Variants in ZNF618 observed in about 807,000 individuals in gnomAD.
The protein encoded by ZNF618 is zinc finger protein 618.
A neutral mutation model predicts 103.0 loss-of-function variants in ZNF618; 34 were observed. The observed-to-expected ratio is 0.33, with a 90% CI of 0.25 to 0.44. ZNF618 has a LOEUF of 0.44. Among genes scored for constraint, ZNF618 ranks in the 20% least tolerant of loss-of-function variants. ZNF618 has a pLI of 1.00. For missense variants in ZNF618, 1,059 were observed against 1,295.4 expected (o/e 0.82, Z 2.80); for synonymous variants, 551 against 542.2 (o/e 1.02, Z -0.23).
chr9:113,882,137 A>G (rs1828582402), intron 1 of ZNF618, among the ~76,000 whole-genome samples: 1 of 152,232 alleles, frequency 6.6e-6, no homozygotes, highest in African/African-American at 2.4e-5. Flanking sequence ...TCTGAGCCAA[A>G]AACATGGCAT....
At chr9:113,905,200 GGC>G (rs1830883381) in intron 1 of ZNF618, among the ~76,000 whole-genome samples, 1 of 152,066 alleles carries the variant, frequency 6.6e-6, no homozygotes, top group South Asian at 2.1e-4. Flanking sequence ...TCCTATTGGA[GGC>G]ACACGCCCTC....
intron 1 of ZNF618, among the ~76,000 whole-genome samples, chr9:113,910,262 T>C (rs1031914026): frequency 6.6e-6 from 1 of 152,182 alleles, no homozygotes. Context: ...GGGTGCAGGA[T>C]GAGTCTCCAT....
At chr9:113,894,161 C>G (rs1277318716) in intron 1 of ZNF618, among the ~76,000 whole-genome samples, 1 of 152,108 alleles carries the variant, frequency 6.6e-6, no homozygotes. Flanking sequence ...TCTCTAATAA[C>G]CAGTTTTTCT....
rs1272502447 is a variant in ZNF618 at position 114,054,730 on chromosome 9, T to G, written c.*4563T>G. 1.3e-5 allele frequency: 2 copies of G among 152,734 alleles called. No homozygotes were observed. The highest frequency in any genetic ancestry group is 4.8e-5 in the African/African-American group (2 of 41,444). 9.5% of individuals were successfully genotyped at this position (152,734 alleles called of 1,614,324 possible). The stretch of plus-strand genomic sequence containing the variant: ...TCCCTCTTAACGTTCCCCTCCTGGT[T>G]TTGCCTTTTCAGGGTTTTCTGGGGG... On this transcript the variant is annotated 3_prime_UTR_variant, in exon 15 of 15. Transcript: ENST00000374126.
At position 114,052,721 on chromosome 9, in the gene ZNF618, T is replaced by C. The variant is rs1846210963; in HGVS notation, c.*2554T>C. ...AGAGCCTGGGAGCCCATCCTCCCTC[T>C]ACTTGGAGCAAAGTTGTGCTGGTGA... On this transcript the variant is annotated 3_prime_UTR_variant, in exon 15 of 15. Transcript: ENST00000374126. The C allele has an allele frequency of 6.6e-6, 1 of 152,260 alleles. No homozygotes were observed. The highest frequency in any genetic ancestry group is 2.1e-4 in the South Asian group (1 of 4,838). 9.4% of individuals were successfully genotyped at this position (152,260 alleles called of 1,614,324 possible). A position where few individuals can be genotyped will look rare whatever the true frequency, so the allele number is the denominator to read the frequency against.
rs191230684 is a variant in ZNF618 at position 113,923,127 on chromosome 9, A to G, written c.34-45990A>G. ...TTCATTGCTGGGATATGTGAAAGCA[A>G]TTGACTCTAGTATCCTGCAAGCTTC... On this transcript the variant is annotated intron_variant, in intron 1 of 14. Transcript: ENST00000374126. Among the ~76,000 whole-genome samples the G allele has an allele frequency of 4.3e-3, 648 of 152,300 alleles. 6 individuals are homozygous for G. The highest frequency in any genetic ancestry group is 0.015 in the African/African-American group (612 of 41,564).
rs780817121 is a variant in ZNF618, at chr9:114,055,299, G to A, written c.*5132G>A. On this transcript the variant is annotated 3_prime_UTR_variant, in exon 15 of 15. Coordinates refer to ENST00000374126, the MANE Select transcript of ZNF618 (RefSeq NM_001318042.2). ...AGCCAGGGTGGGCGGCATCCTACGC[G>A]GTGAAACGAGCTCATGGACTGACCC... 3 of 152,442 alleles carry A rather than the reference G, an allele frequency of 2.0e-5. No homozygotes were observed. The highest frequency in any genetic ancestry group is 7.2e-5 in the African/African-American group (3 of 41,422). The allele number at this position is 152,442 out of a possible 1,614,324, so 9.4% of individuals were successfully genotyped here.
chr9:113,949,109 G>C (rs1003984251), intron 1 of ZNF618, among the ~76,000 whole-genome samples: 5 of 152,266 alleles, frequency 3.3e-5, no homozygotes, highest in Non-Finnish European at 7.3e-5. Context: ...GGTGACGGAA[G>C]AGTGAGGCTG....
At chr9:113,914,650 T>C (rs564270573) in intron 1 of ZNF618, among the ~76,000 whole-genome samples, 3 of 152,298 alleles carry the variant, frequency 2.0e-5, no homozygotes, top group South Asian at 2.1e-4. Context: ...TTTTGAATGC[T>C]CCCATTGGAA....
At chr9:114,014,474 C>T (rs1588344065) in intron 9 of ZNF618, among the ~76,000 whole-genome samples, 1 of 152,142 alleles carries the variant, frequency 6.6e-6, no homozygotes, top group South Asian at 2.1e-4. Flanking sequence ...ATTTTTTGAT[C>T]TCCTTTTGTT....
intron 10 of ZNF618, among the ~76,000 whole-genome samples, chr9:114,019,259 G>T (rs1842886451): frequency 6.6e-6 from 1 of 152,028 alleles, no homozygotes; most frequent in South Asian, 2.1e-4. Flanking sequence ...TGTTAATTTG[G>T]GTTGTTTCCA....
At position 114,048,875 on chromosome 9, in the gene ZNF618, C is replaced by T. The variant is rs758160805; in HGVS notation, c.1573C>T (p.His525Tyr). The T allele has an allele frequency of 1.2e-5, 19 of 1,607,878 alleles. No individual in the cohort carries two copies. The highest frequency in any genetic ancestry group is 1.6e-5 in the Non-Finnish European group (19 of 1,177,034). The change falls in exon 15 of 15, where the codon CAC (histidine) becomes TAC (tyrosine). Residue 525 changes from histidine (H) to tyrosine (Y), a missense_variant. His to Tyr is a moderately conservative substitution (Grantham distance 83, BLOSUM62 2). Around this residue, in one of 6 missense-constraint regions of ZNF618, gnomAD observed 272 missense variants for 380.1 expected, o/e 0.72. Transcript: ENST00000374126. ...CAACTTCAACACGCTGGCGCTGAAG[C>T]ACCTGCCACGCATGTACAACCAGGT... ...LGNFNTLALKHLPRMYNQVKV... is the reference protein window; with the variant it reads ...LGNFNTLALKYLPRMYNQVKV...
intron 11 of ZNF618, among the ~76,000 whole-genome samples, chr9:114,031,142 AG>A (rs1843991530): frequency 6.6e-6 from 1 of 152,186 alleles, no homozygotes; most frequent in South Asian, 2.1e-4. Context: ...CAGCCCTCAC[AG>A]GGCTTTTGGG....
Position 113,988,338 on chromosome 9 carries a change from G to A in ZNF618, c.95G>A (p.Ser32Asn). 3.7e-6 allele frequency: 6 copies of A among 1,612,632 alleles called. No individual in the cohort carries two copies. The highest frequency in any genetic ancestry group is 3.4e-6 in the Non-Finnish European group (4 of 1,179,648). ...TTTCCCAGGGAGCGCTTGAAGCGCAGCCAGAAGAGCACCAAGGTGGAGGGC... is the reference window on the plus strand; with the variant it reads ...TTTCCCAGGGAGCGCTTGAAGCGCAACCAGAAGAGCACCAAGGTGGAGGGC... The part of the protein sequence containing the change: ...STASRERLKR[S>N]QKSTKVEGPE... Residue 32 changes from serine to asparagine, a missense_variant, in exon 3 of 15, where the codon AGC becomes AAC. By Grantham distance (46) the Ser-to-Asn change is conservative. This residue lies in a region of ZNF618 where 194 missense variants were observed against 209.0 expected (regional missense o/e 0.93). Coordinates refer to ENST00000374126, the MANE Select transcript of ZNF618 (RefSeq NM_001318042.2).
At chr9:114,023,130 C>G (rs1455521385) in intron 10 of ZNF618, among the ~76,000 whole-genome samples, 1 of 151,930 alleles carries the variant, frequency 6.6e-6, no homozygotes, top group Non-Finnish European at 1.5e-5. Context: ...ATTTAATATA[C>G]TATATTAATA....
chr9:113,916,090 G>A (rs2131549150), intron 1 of ZNF618, among the ~76,000 whole-genome samples: 1 of 152,040 alleles, frequency 6.6e-6, no homozygotes, highest in East Asian at 1.9e-4. Flanking sequence ...GTGTGTGTGT[G>A]TGTGTCTGTG....
At chr9:114,006,443 C>T (rs1841763163) in intron 6 of ZNF618, among the ~76,000 whole-genome samples, 1 of 152,238 alleles carries the variant, frequency 6.6e-6, no homozygotes, top group African/African-American at 2.4e-5. Context: ...CCAAGGAACA[C>T]ACACATGAGG....
chr9:113,898,986 G>A (rs1422147324), intron 1 of ZNF618, among the ~76,000 whole-genome samples: 1 of 152,088 alleles, frequency 6.6e-6, no homozygotes, highest in Non-Finnish European at 1.5e-5. Context: ...CCTCTTACCA[G>A]CCTGCCTCAG....
chr9:113,933,022 G>A (rs985001574), intron 1 of ZNF618, among the ~76,000 whole-genome samples: 3 of 152,184 alleles, frequency 2.0e-5, no homozygotes, highest in Non-Finnish European at 4.4e-5. Context: ...AGCAACCAGC[G>A]AGGTGGGAAG....
Sources: allele counts gnomAD v4.1 joint callset (sites outside exome capture counted in the v4.1 genomes callset), GRCh38; gene constraint gnomAD v4.1.1; regional missense constraint gnomAD v4.1.1; transcripts MANE v1.5; gene names NCBI Gene and HGNC (gene_info 2026-07-23, HGNC 2026-07-21).